SV2B: variants seen among roughly 807,000 people sequenced by gnomAD.
The protein encoded by SV2B is solute carrier family 22 member B2.
SV2B carries 41 observed loss-of-function variants against 73.9 expected under a neutral mutation model. The ratio of observed to expected loss-of-function variants is 0.56; its 90% CI spans 0.43 to 0.72. The LOEUF is 0.72. SV2B is among the 30% of genes least tolerant of loss of function. The pLI is 0.00. For synonymous variants in SV2B, 314 were observed against 314.2 expected (o/e 1.00, Z 0.01); for missense variants, 764 against 857.8 (o/e 0.89, Z 1.37).
At chr15:91,188,517 G>A (rs137903282) in intron 1 of SV2B, among the ~76,000 whole-genome samples, 2,039 of 151,834 alleles carry the variant, frequency 0.013, 53 homozygotes, top group African/African-American at 0.045. Context: ...GGGTTTCATC[G>A]TGTTGGCCAG....
rs1463496992 is a variant in SV2B at position 91,140,775 on chromosome 15, T to C, written c.-392+40412T>C. Among the ~76,000 whole-genome samples the C allele has an allele frequency of 3.3e-5, 5 of 152,102 alleles. No individual in the cohort carries two copies. Among genetic ancestry groups the C allele is most frequent in the African/African-American group, 9.7e-5 (4 of 41,412 alleles). ...ATGCTTCTGTTTGTCTTGAAGAAGT[T>C]TCTGGCATGGCTCAGTGGCTGTTTA... On this transcript the variant is annotated intron_variant, in intron 1 of 12. Transcript: ENST00000394232. This position sits in a 1 kb window ranked among gnomAD's most constrained non-coding sequence, Gnocchi z 4.4.
At chr15:91,264,695 T>C (rs2048040251) in intron 6 of SV2B, among the ~76,000 whole-genome samples, 1 of 152,150 alleles carries the variant, frequency 6.6e-6, no homozygotes, top group African/African-American at 2.4e-5. Context: ...GAATGAGATC[T>C]TAGCCAGGAA....
intron 1 of SV2B, among the ~76,000 whole-genome samples, chr15:91,138,317 G>A (rs1483770640): frequency 2.0e-5 from 3 of 152,176 alleles, no homozygotes; most frequent in African/African-American, 4.8e-5. Context: ...TAGTGTGACC[G>A]AGGAACTAAG....
At chr15:91,233,283 A>T (rs1844780387) in intron 2 of SV2B, among the ~76,000 whole-genome samples, 1 of 152,170 alleles carries the variant, frequency 6.6e-6, no homozygotes, top group Non-Finnish European at 1.5e-5. Flanking sequence ...CGAGTACATG[A>T]TACCTTCAAA....
rs1199458511 is a variant in SV2B at position 91,292,367 on chromosome 15, A to G, written c.1869-2A>G. On this transcript the variant is annotated splice_acceptor_variant, in intron 12 of 12. Coordinates refer to ENST00000394232, the MANE Select transcript of SV2B (RefSeq NM_001323032.3). LOFTEE classifies it high-confidence loss of function. ...AGAATTATTTCCATTCCTCTTTTACAGAGCAACAGCCTTCGGCATTCTCAA... is the reference window on the plus strand; with the variant it reads ...AGAATTATTTCCATTCCTCTTTTACGGAGCAACAGCCTTCGGCATTCTCAA... The G allele has an allele frequency of 6.2e-7, 1 of 1,613,276 alleles. No individual in the cohort carries two copies. Among genetic ancestry groups the G allele is most frequent in the Admixed American group, 1.7e-5 (1 of 59,964 alleles).
chr15:91,272,740 A>AC (rs1446078211), intron 9 of SV2B, among the ~76,000 whole-genome samples: 9 of 151,976 alleles, frequency 5.9e-5, no homozygotes, highest in Non-Finnish European at 1.3e-4. Flanking sequence ...ACACACACAC[A>AC]ATAGAACAGA....
In SV2B at chr15:91,225,706, C is replaced by T. The variant is rs148616214; in HGVS notation, c.-391-167C>T. 7.8e-3 allele frequency among the ~76,000 whole-genome samples: 1,193 copies of T among 152,218 alleles called. 12 individuals carry two copies. The highest frequency in any genetic ancestry group is 0.027 in the African/African-American group (1,138 of 41,502). On this transcript the variant is annotated intron_variant, in intron 1 of 12. Transcript: ENST00000394232. ...CTTCTCCTTTAGCCTCCACTCTCACCGATTCAATCCTCATTCAGTTGATAG... is the reference window on the plus strand; with the variant it reads ...CTTCTCCTTTAGCCTCCACTCTCACTGATTCAATCCTCATTCAGTTGATAG...
intron 2 of SV2B, among the ~76,000 whole-genome samples, chr15:91,228,430 C>T (rs1260440211): frequency 1.3e-5 from 2 of 152,010 alleles, no homozygotes; most frequent in Non-Finnish European, 2.9e-5. Context: ...AACCAAAGAC[C>T]CCAAACAAAA....
rs953641316 is a variant in SV2B, at chr15:91,130,201, G to A, written c.-392+29838G>A. On this transcript the variant is annotated intron_variant, in intron 1 of 12. Coordinates refer to ENST00000394232, the MANE Select transcript of SV2B (RefSeq NM_001323032.3). The surrounding 1 kb of genome is among the most constrained non-coding windows in gnomAD (Gnocchi z 5.6). ...GGCAAGTCTAGGAAGTGGGGCTGAG[G>A]AGAGTGAGAGGAGTGACACAGCTGA... 5.3e-5 allele frequency among the ~76,000 whole-genome samples: 8 copies of A among 152,298 alleles called. No homozygotes were observed. The highest frequency in any genetic ancestry group is 6.8e-3 in the Middle Eastern group (2 of 294).
At position 91,118,660 on chromosome 15, in the gene SV2B, C is replaced by T. The variant is rs370736277; in HGVS notation, c.-392+18297C>T. Among the ~76,000 whole-genome samples the T allele has an allele frequency of 4.6e-5, 7 of 152,194 alleles. No homozygotes were observed. The highest frequency in any genetic ancestry group is 2.1e-4 in the South Asian group (1 of 4,816). On this transcript the variant is annotated intron_variant, in intron 1 of 12. Coordinates refer to ENST00000394232, the MANE Select transcript of SV2B (RefSeq NM_001323032.3). This position sits in a 1 kb window ranked among gnomAD's most constrained non-coding sequence, Gnocchi z 4.7. Reference sequence around the variant, plus strand: ...GAGGCTCCCTACTGCCCAAGAGGGCCGAGGTGAGGCTGAACACTGTCTCAA... The same window carrying T: ...GAGGCTCCCTACTGCCCAAGAGGGCTGAGGTGAGGCTGAACACTGTCTCAA...
intron 1 of SV2B, among the ~76,000 whole-genome samples, chr15:91,202,935 C>G (rs1350149894): frequency 6.6e-6 from 1 of 152,270 alleles, no homozygotes; most frequent in African/African-American, 2.4e-5. Flanking sequence ...CTGACTACCA[C>G]TCACACTCCC....
chr15:91,177,042 T>C (rs1458577096), intron 1 of SV2B, among the ~76,000 whole-genome samples: 2 of 150,902 alleles, frequency 1.3e-5, no homozygotes, highest in Non-Finnish European at 3.0e-5. Context: ...ATTTAAGTCT[T>C]TAATCCATCT....
intron 1 of SV2B, among the ~76,000 whole-genome samples, chr15:91,210,551 C>A (rs1175651636): frequency 1.3e-5 from 2 of 152,144 alleles, no homozygotes; most frequent in Non-Finnish European, 2.9e-5. Flanking sequence ...AGACTTGCAT[C>A]TGGGGTGTGT....
rs530669670 is a variant in SV2B at position 91,115,379 on chromosome 15, C to CT, written c.-392+15026dup. Reference sequence around the variant, plus strand: ...TGGGCTATTTCTCCATCTCCCCTTCCTTTTTTTTTTGAAACAGAGTCTTGC... The same window carrying CT: ...TGGGCTATTTCTCCATCTCCCCTTCCTTTTTTTTTTTGAAACAGAGTCTTGC... On this transcript the variant is annotated intron_variant, in intron 1 of 12. Coordinates refer to ENST00000394232, the MANE Select transcript of SV2B (RefSeq NM_001323032.3). The surrounding 1 kb of genome is among the most constrained non-coding windows in gnomAD (Gnocchi z 4.3). Among the ~76,000 whole-genome samples, 26 of 148,474 alleles carry CT rather than the reference C, an allele frequency of 1.8e-4. No individual in the cohort carries two copies. Among genetic ancestry groups the CT allele is most frequent in the African/African-American group, 4.2e-4 (17 of 40,548 alleles).
Position 91,265,397 on chromosome 15 carries a change from G to A in SV2B, c.1009-1185G>A, listed in dbSNP as rs1377409690. Among the ~76,000 whole-genome samples, 1 of 152,186 alleles carries A rather than the reference G, an allele frequency of 6.6e-6. No homozygotes were observed. Among genetic ancestry groups the A allele is most frequent in the Admixed American group, 6.5e-5 (1 of 15,278 alleles). ...TCATAGACAATTGTTCTAATGAATC[G>A]TAAATTAGAGTGAGTAATTATGCTT... On this transcript the variant is annotated intron_variant, in intron 6 of 12. Transcript: ENST00000394232. This position sits in a 1 kb window ranked among gnomAD's most constrained non-coding sequence, Gnocchi z 4.2.
chr15:91,273,316 C>A (rs1352050639), intron 9 of SV2B, among the ~76,000 whole-genome samples: 1 of 152,122 alleles, frequency 6.6e-6, no homozygotes, highest in Non-Finnish European at 1.5e-5. Context: ...AAATCTGTGA[C>A]CTGTCTAAGC....
In SV2B at chr15:91,241,753, A is replaced by G. The variant is rs190437355; in HGVS notation, c.452-10066A>G. On this transcript the variant is annotated intron_variant, in intron 2 of 12. Coordinates refer to ENST00000394232, the MANE Select transcript of SV2B (RefSeq NM_001323032.3). This position sits in a 1 kb window ranked among gnomAD's most constrained non-coding sequence, Gnocchi z 4.8. The stretch of plus-strand genomic sequence containing the variant: ...CCATCCCCTCTCACCTCCCCAGAAC[A>G]TCACTTTTGTAATCCTTTTTCTCAT... Among the ~76,000 whole-genome samples the G allele has an allele frequency of 6.6e-6, 1 of 152,172 alleles. No homozygotes were observed. Among genetic ancestry groups the G allele is most frequent in the African/African-American group, 2.4e-5 (1 of 41,528 alleles).
At chr15:91,264,148 C>T (rs1422894771) in intron 6 of SV2B, among the ~76,000 whole-genome samples, 3 of 152,262 alleles carry the variant, frequency 2.0e-5, no homozygotes, top group South Asian at 2.1e-4. Context: ...GAAGGTTCCA[C>T]GCAGTGGTGC....
At chr15:91,260,521 A>G (rs1406350489) in intron 6 of SV2B, 112 bp downstream of exon 6, 4 of 698,008 alleles carry the variant, frequency 5.7e-6, no homozygotes, top group East Asian at 2.8e-5. Context: ...GAGAACAAAG[A>G]CTCTGATATT....
Sources: gnomAD v4.1 joint callset for allele counts (sites outside exome capture counted in the v4.1 genomes callset) on GRCh38, gnomAD v4.1.1 for gene constraint, Gnocchi (gnomAD v3.1) non-coding constraint, MANE v1.5 for transcripts, NCBI Gene and HGNC (gene_info 2026-07-23, HGNC 2026-07-21) for gene names.